The following CHCHD6 variants were observed in gnomAD, a reference collection of about 807,000 sequenced individuals.
The protein encoded by CHCHD6 is MICOS complex subunit MIC25.
CHCHD6 carries 28 observed loss-of-function variants against 32.3 expected under a neutral mutation model. The observed-to-expected ratio is 0.87, with a 90% CI of 0.64 to 1.19. CHCHD6 has a LOEUF of 1.19. Ranked by LOEUF, CHCHD6 falls within the 50% of genes most tolerant of loss-of-function variation. The pLI is 0.00. For missense variants in CHCHD6, 333 were observed against 307.0 expected (o/e 1.08, Z -0.63); for synonymous variants, 122 against 117.5 (o/e 1.04, Z -0.25).
chr3:126,954,850 AAG>A (rs898868836), intron 6 of CHCHD6, among the ~76,000 whole-genome samples: 1 of 152,156 alleles, frequency 6.6e-6, no homozygotes, highest in African/African-American at 2.4e-5. Context: ...TATAGGTGAC[AAG>A]AGAGAGCCCA....
chr3:126,864,729 C>T (rs1323469789), intron 5 of CHCHD6, among the ~76,000 whole-genome samples: 19 of 146,978 alleles, frequency 1.3e-4, no homozygotes, highest in African/African-American at 4.6e-4. Flanking sequence ...CCATCATCTC[C>T]TCTTCCTCCT....
At chr3:126,787,870 G>C (rs949707645) in intron 4 of CHCHD6, among the ~76,000 whole-genome samples, 14 of 152,296 alleles carry the variant, frequency 9.2e-5, no homozygotes, top group Non-Finnish European at 1.6e-4. Context: ...ATGTTGAATA[G>C]GAGTGGTGAG....
At chr3:126,708,932 C>T (rs1934628809) in intron 1 of CHCHD6, among the ~76,000 whole-genome samples, 1 of 152,174 alleles carries the variant, frequency 6.6e-6, no homozygotes, top group South Asian at 2.1e-4. Flanking sequence ...AATGACCTAT[C>T]CATGGGTCGT....
At chr3:126,785,143 G>A (rs550236044) in intron 4 of CHCHD6, among the ~76,000 whole-genome samples, 1 of 152,086 alleles carries the variant, frequency 6.6e-6, no homozygotes, top group Non-Finnish European at 1.5e-5. Flanking sequence ...TGACATCTTG[G>A]GTTGGATGCT....
intron 6 of CHCHD6, among the ~76,000 whole-genome samples, chr3:126,950,800 A>G (rs2078705048): frequency 6.6e-6 from 1 of 152,202 alleles, no homozygotes; most frequent in African/African-American, 2.4e-5. Context: ...AGGAATGGCT[A>G]TGATGTGAAG....
intron 4 of CHCHD6, among the ~76,000 whole-genome samples, chr3:126,834,646 G>T (rs1008742399): frequency 6.6e-6 from 1 of 152,098 alleles, no homozygotes; most frequent in African/African-American, 2.4e-5. Flanking sequence ...TTTATTCAGG[G>T]TTCAGTTTTG....
chr3:126,798,363 T>G (rs17693923), intron 4 of CHCHD6, among the ~76,000 whole-genome samples: 25,450 of 152,138 alleles, frequency 0.17, 2,657 homozygotes, highest in Middle Eastern at 0.23. Flanking sequence ...TCACTGTTCT[T>G]CAAACAACAA....
chr3:126,818,969 G>A (rs1940034279), intron 4 of CHCHD6, among the ~76,000 whole-genome samples: 1 of 152,194 alleles, frequency 6.6e-6, no homozygotes, highest in Admixed American at 6.5e-5. Context: ...AAGGAGCAGT[G>A]CAGCAGGTCA....
rs528390309 is a variant in CHCHD6, at chr3:126,801,768, G to A, written c.412-50879G>A. Among the ~76,000 whole-genome samples the A allele has an allele frequency of 1.1e-3, 167 of 152,310 alleles. 1 individual carries two copies. The highest frequency in any genetic ancestry group is 2.9e-3 in the South Asian group (14 of 4,822). ...ACGGGCAGACTGCCTCCTCAAGTGG[G>A]TCCCTGACCCCTGACCCCCGAGCAG... On this transcript the variant is annotated intron_variant, in intron 4 of 7. Transcript: ENST00000290913.
intron 5 of CHCHD6, among the ~76,000 whole-genome samples, chr3:126,904,063 G>A (rs1032438568): frequency 7.9e-5 from 12 of 152,114 alleles, no homozygotes; most frequent in African/African-American, 1.9e-4. Flanking sequence ...TTGATCAGGC[G>A]TTTCTTCCAT....
At chr3:126,746,203 C>CTA (rs1418758446) in intron 4 of CHCHD6, among the ~76,000 whole-genome samples, 1 of 152,200 alleles carries the variant, frequency 6.6e-6, no homozygotes, top group Non-Finnish European at 1.5e-5. Flanking sequence ...GGAGTGGCTT[C>CTA]TACTGGGAGC....
rs755338404 is a variant in CHCHD6 at position 126,733,217 on chromosome 3, C to T, written c.406C>T (p.Arg136Trp). Residue 136 changes from arginine to tryptophan, a missense_variant, in exon 4 of 8, where the codon CGG becomes TGG. Arg to Trp is a moderately radical substitution (Grantham distance 101). Transcript: ENST00000290913. Reference protein sequence around the residue: ...SISHEEQKSVRLARELESREA... With the variant: ...SISHEEQKSVWLARELESREA... ...CAGCCATGAGGAGCAGAAGTCAGTC[C>T]GGCTGGTGAGTGCAGATTTTCCCTG... The T allele has an allele frequency of 2.8e-5, 45 of 1,613,318 alleles. No individual in the cohort carries two copies. The highest frequency in any genetic ancestry group is 2.5e-4 in the East Asian group (11 of 44,864).
intron 5 of CHCHD6, among the ~76,000 whole-genome samples, chr3:126,860,449 GTT>G (rs1941819177): frequency 6.7e-6 from 1 of 149,082 alleles, no homozygotes; most frequent in African/African-American, 2.4e-5. Flanking sequence ...CTGTTGTGGG[GTT>G]GGGGAAAGGG....
At chr3:126,895,170 A>G (rs1399325310) in intron 5 of CHCHD6, among the ~76,000 whole-genome samples, 1 of 152,252 alleles carries the variant, frequency 6.6e-6, no homozygotes, top group African/African-American at 2.4e-5. Flanking sequence ...TTGCATAGCT[A>G]AAATCGTAGA....
intron 5 of CHCHD6, among the ~76,000 whole-genome samples, chr3:126,913,208 T>TC (rs2078120309): frequency 3.0e-4 from 3 of 9,932 alleles, no homozygotes; most frequent in Non-Finnish European, 5.4e-4. Context: ...CGTATGAGCC[T>TC]TTTTTTTTTT....
intron 5 of CHCHD6, among the ~76,000 whole-genome samples, chr3:126,856,121 C>T (rs192600097): frequency 6.6e-6 from 1 of 151,988 alleles, no homozygotes; most frequent in Admixed American, 6.6e-5. Context: ...GGCTGATGAG[C>T]TAAAAAACAA....
chr3:126,720,333 C>A (rs374523086), intron 1 of CHCHD6, among the ~76,000 whole-genome samples: 68 of 152,220 alleles, frequency 4.5e-4, no homozygotes, highest in Non-Finnish European at 8.5e-4. Flanking sequence ...TCCCAGGACC[C>A]CTGAGGTTCA....
At chr3:126,821,242 G>A (rs1206483245) in intron 4 of CHCHD6, among the ~76,000 whole-genome samples, 5 of 152,122 alleles carry the variant, frequency 3.3e-5, no homozygotes, top group Admixed American at 3.3e-4. Flanking sequence ...ATGGACATTT[G>A]GGTTGTTTAA....
chr3:126,707,602 G>A (rs1242272128), intron 1 of CHCHD6, among the ~76,000 whole-genome samples: 3 of 152,148 alleles, frequency 2.0e-5, no homozygotes, highest in East Asian at 1.9e-4. Context: ...CATCCAGACT[G>A]CTCACTGTTC....
Sources: allele counts gnomAD v4.1 joint callset (sites outside exome capture counted in the v4.1 genomes callset), GRCh38; gene constraint gnomAD v4.1.1; transcripts MANE v1.5; gene names NCBI Gene and HGNC (gene_info 2026-07-23, HGNC 2026-07-21).